RBFOX1: variants seen among roughly 807,000 people sequenced by gnomAD.
RBFOX1 encodes the protein RNA binding protein fox-1 homolog 1.
A neutral mutation model predicts 57.7 loss-of-function variants in RBFOX1; 8 were observed. That is an observed-to-expected ratio of 0.14 (90% CI 0.08 to 0.25). The LOEUF is 0.25. Ranked by LOEUF, RBFOX1 falls within the 10% of genes least tolerant of loss-of-function variation. RBFOX1 has a pLI of 1.00. For missense variants in RBFOX1, 611 were observed against 548.5 expected (o/e 1.11, Z -1.14); for synonymous variants, 326 against 222.4 (o/e 1.47, Z -4.15).
intron 5 of RBFOX1, among the ~76,000 whole-genome samples, chr16:7,530,534 A>G (rs1483628464): frequency 6.6e-6 from 1 of 151,412 alleles, no homozygotes; most frequent in African/African-American, 2.4e-5. Context: ...CATTTTATCT[A>G]GTTCTCTCCT....
intron 2 of RBFOX1, among the ~76,000 whole-genome samples, chr16:6,486,456 G>A (rs933897017): frequency 2.6e-5 from 4 of 152,040 alleles, no homozygotes; most frequent in African/African-American, 9.7e-5. Context: ...ATTAAACTTA[G>A]TTGTGTTTAG....
At chr16:5,622,088 G>C (rs1736871666) in intron 3 of RBFOX1, among the ~76,000 whole-genome samples, 1 of 151,938 alleles carries the variant, frequency 6.6e-6, no homozygotes, top group South Asian at 2.1e-4. Context: ...CCTGAAAAAT[G>C]TGTTCTTCAT....
intron 3 of RBFOX1, among the ~76,000 whole-genome samples, chr16:6,988,292 C>G (rs2090730837): frequency 6.6e-6 from 1 of 152,130 alleles, no homozygotes; most frequent in Non-Finnish European, 1.5e-5. Context: ...ACCTTTAGAG[C>G]AGTGTAGTCT....
chr16:5,268,837 C>G (rs907127563), intron 1 of RBFOX1, among the ~76,000 whole-genome samples: 2 of 152,132 alleles, frequency 1.3e-5, no homozygotes, highest in African/African-American at 4.8e-5. Context: ...CTCACAGTGG[C>G]TACACCATTT....
At chr16:6,113,555 C>G (rs1226812695) in intron 1 of RBFOX1, among the ~76,000 whole-genome samples, 1 of 152,162 alleles carries the variant, frequency 6.6e-6, no homozygotes, top group Non-Finnish European at 1.5e-5. Flanking sequence ...AGACACAGCT[C>G]TTGAAGCAAA....
chr16:5,942,528 C>A (rs915900681), intron 4 of RBFOX1, among the ~76,000 whole-genome samples: 6 of 152,142 alleles, frequency 3.9e-5, no homozygotes, highest in African/African-American at 1.4e-4. Context: ...CTTGTGATCT[C>A]CAGAACAGTG....
chr16:6,596,729 C>T (rs550335830), intron 2 of RBFOX1, among the ~76,000 whole-genome samples: 1 of 152,336 alleles, frequency 6.6e-6, no homozygotes, highest in East Asian at 1.9e-4. Flanking sequence ...TAAGTCTTAG[C>T]TGGGCTCTGA....
intron 4 of RBFOX1, among the ~76,000 whole-genome samples, chr16:7,317,659 C>T (rs964375741): frequency 1.3e-5 from 2 of 152,152 alleles, no homozygotes; most frequent in African/African-American, 2.4e-5. Flanking sequence ...AGCAGTACCT[C>T]CACCCGCTGC....
chr16:5,856,563 A>ATGTGTGTGTGTGTGTG (rs1317876935), intron 3 of RBFOX1, among the ~76,000 whole-genome samples: 2 of 66,928 alleles, frequency 3.0e-5, no homozygotes, highest in African/African-American at 1.2e-4. Context: ...GTGTGTGTGT[A>ATGTGTGTGTGTGTGTG]TGTGTGTGTG....
At chr16:7,034,642 G>C (rs913413018) in intron 3 of RBFOX1, among the ~76,000 whole-genome samples, 3 of 151,766 alleles carry the variant, frequency 2.0e-5, no homozygotes, top group South Asian at 2.1e-4. Context: ...AGACACATCA[G>C]TGAGGCTAGC....
intron 4 of RBFOX1, among the ~76,000 whole-genome samples, chr16:7,202,969 G>T (rs905465956): frequency 1.3e-5 from 2 of 152,096 alleles, no homozygotes; most frequent in Admixed American, 1.3e-4. Context: ...TATATTTTTA[G>T]TAGAGATGGG....
At chr16:6,483,625 C>T (rs1210478296) in intron 2 of RBFOX1, 9 of 1,508,154 alleles carry the variant, frequency 6.0e-6, no homozygotes, top group Non-Finnish European at 8.0e-6. Flanking sequence ...AAGGGAGAGA[C>T]CAGGCAGCTT....
At chr16:5,252,663 T>C (rs1469744011) in intron 1 of RBFOX1, among the ~76,000 whole-genome samples, 1 of 152,216 alleles carries the variant, frequency 6.6e-6, no homozygotes, top group Non-Finnish European at 1.5e-5. Flanking sequence ...GGGGGATGAC[T>C]TCCCTGCCAT....
intron 3 of RBFOX1, among the ~76,000 whole-genome samples, chr16:6,802,482 G>A (rs1424049070): frequency 6.6e-6 from 1 of 152,134 alleles, no homozygotes; most frequent in Non-Finnish European, 1.5e-5. Flanking sequence ...TTTGAGACCA[G>A]CCTGACCAAT....
intron 1 of RBFOX1, among the ~76,000 whole-genome samples, chr16:6,026,364 A>G (rs1381485716): frequency 6.6e-6 from 1 of 152,200 alleles, no homozygotes; most frequent in East Asian, 1.9e-4. Flanking sequence ...TGCTTTTCAG[A>G]TCCCCATTTT....
chr16:7,417,902 A>G (rs1043754378), intron 4 of RBFOX1, among the ~76,000 whole-genome samples: 7 of 152,060 alleles, frequency 4.6e-5, no homozygotes, highest in Admixed American at 3.3e-4. Context: ...TTTCCTGCAG[A>G]TGTATTGGGT....
intron 13 of RBFOX1, among the ~76,000 whole-genome samples, chr16:7,670,091 G>A (rs1252758642): frequency 1.3e-5 from 2 of 152,160 alleles, no homozygotes; most frequent in African/African-American, 4.8e-5. Context: ...GAGTGCAGTG[G>A]CATGATCTCA....
intron 3 of RBFOX1, among the ~76,000 whole-genome samples, chr16:6,962,974 C>T (rs1473720208): frequency 6.6e-6 from 1 of 152,094 alleles, no homozygotes; most frequent in African/African-American, 2.4e-5. Flanking sequence ...GTTTGCATGG[C>T]AAAGGAGAAA....
chr16:7,028,892 C>CAGCT (rs760871847), intron 3 of RBFOX1, among the ~76,000 whole-genome samples: 32 of 150,818 alleles, frequency 2.1e-4, no homozygotes, highest in Non-Finnish European at 4.0e-4. Context: ...CTCTGCCACT[C>CAGCT]AGCTATGTGT....
Sources: allele counts gnomAD v4.1 joint callset (sites outside exome capture counted in the v4.1 genomes callset), GRCh38; gene constraint gnomAD v4.1.1; transcripts MANE v1.5; gene names NCBI Gene and HGNC (gene_info 2026-07-23, HGNC 2026-07-21).